The following DCDC1 variants were observed in gnomAD, a reference collection of about 807,000 sequenced individuals.
DCDC1 encodes the protein doublecortin domain containing 1.
In DCDC1, 200 loss-of-function variants were observed where a neutral mutation model predicts 178.3. That is an observed-to-expected ratio of 1.12 (90% CI 1.00 to 1.26). The LOEUF (loss-of-function observed/expected upper bound fraction) is 1.26. DCDC1 is among the 50% of genes most tolerant of loss of function. The probability of loss-of-function intolerance (pLI) is 0.00; values close to 1 mark genes in which losing one functional copy is unlikely to be tolerated. For synonymous variants in DCDC1, 690 were observed against 604.8 expected, an observed-to-expected ratio of 1.14 and a Z score of -2.07; for missense variants, 1,983 against 1,749.2, an observed-to-expected ratio of 1.13 and a Z score of -2.38.
intron 4 of DCDC1, 111 bp downstream of exon 4, chr11:31,307,528 A>T: frequency 1.4e-6 from 2 of 1,403,854 alleles, no homozygotes; most frequent in Middle Eastern, 3.8e-4. Flanking sequence ...AAAACCCGAG[A>T]GATGTGTTAC....
At chr11:31,246,285 G>A (rs1943559401) in intron 8 of DCDC1, among the ~76,000 whole-genome samples, 1 of 151,914 alleles carries the variant, frequency 6.6e-6, no homozygotes, top group South Asian at 2.1e-4. Flanking sequence ...CAGAGTACAT[G>A]AGACTATGAA....
intron 17 of DCDC1, among the ~76,000 whole-genome samples, chr11:31,086,022 T>C (rs1957453758): frequency 6.6e-6 from 1 of 152,120 alleles, no homozygotes; most frequent in Non-Finnish European, 1.5e-5. Context: ...TGTGAGCCAC[T>C]ATGCCTGGCC....
intron 20 of DCDC1, among the ~76,000 whole-genome samples, chr11:31,035,581 C>T (rs288469): frequency 0.49 from 74,661 of 152,150 alleles, 18,599 homozygotes; most frequent in African/African-American, 0.57. Context: ...ATCCCATCGT[C>T]TCAGAAGGCA....
intron 9 of DCDC1, among the ~76,000 whole-genome samples, chr11:31,171,146 G>A (rs1967176753): frequency 1.3e-5 from 2 of 152,136 alleles, no homozygotes; most frequent in South Asian, 4.1e-4. Flanking sequence ...GCATTTTGAT[G>A]TGACAGTTCT....
chr11:31,103,028 C>T (rs555473191), intron 14 of DCDC1, among the ~76,000 whole-genome samples: 4 of 152,148 alleles, frequency 2.6e-5, no homozygotes, highest in Non-Finnish European at 5.9e-5. Flanking sequence ...ATAGGAGTAA[C>T]GTAATTGTTG....
intron 19 of DCDC1, 87 bp downstream of exon 19, chr11:31,064,932 T>C: frequency 4.9e-6 from 3 of 607,132 alleles, no homozygotes; most frequent in Non-Finnish European, 8.7e-6. Context: ...TGTGCTTGCC[T>C]CCTGAAAACA....
chr11:31,261,757 C>T (rs1464315976), intron 8 of DCDC1, among the ~76,000 whole-genome samples: 1 of 152,108 alleles, frequency 6.6e-6, no homozygotes, highest in Non-Finnish European at 1.5e-5. Context: ...GCATGTTGAC[C>T]ATCTGTAGGA....
At chr11:30,936,261 C>T (rs934455525) in intron 21 of DCDC1, among the ~76,000 whole-genome samples, 2 of 152,138 alleles carry the variant, frequency 1.3e-5, no homozygotes, top group African/African-American at 4.8e-5. Context: ...TATGCGAGTC[C>T]ATATAATAAC....
chr11:31,181,551 C>A (rs1968797684), intron 9 of DCDC1, among the ~76,000 whole-genome samples: 1 of 152,210 alleles, frequency 6.6e-6, no homozygotes, highest in Admixed American at 6.5e-5. Flanking sequence ...TCTGCAGACT[C>A]CGCTGGTGAT....
At chr11:31,242,722 T>C (rs907701491) in intron 8 of DCDC1, among the ~76,000 whole-genome samples, 4 of 151,920 alleles carry the variant, frequency 2.6e-5, no homozygotes, top group Non-Finnish European at 4.4e-5. Context: ...AATCTGGAAA[T>C]TGAATTACAA....
At chr11:31,350,664 A>G (rs1182886468) in intron 1 of DCDC1, among the ~76,000 whole-genome samples, 1 of 152,172 alleles carries the variant, frequency 6.6e-6, no homozygotes, top group African/African-American at 2.4e-5. Context: ...CAGAAACAAT[A>G]TGCTCATTGT....
rs1038530224 is a variant in DCDC1 at position 31,326,934 on chromosome 11, T to C, written c.164+1183A>G. Among the ~76,000 whole-genome samples the C allele has an allele frequency of 1.1e-4, 17 of 152,292 alleles. No individual in the cohort carries two copies. In the South Asian group the frequency reaches 2.1e-3, roughly 19 times the overall value. On this transcript the variant is annotated intron_variant, in intron 3 of 38. Coordinates refer to ENST00000684477, the MANE Select transcript of DCDC1 (RefSeq NM_001387274.1). ...TCAATGTATGACAAATATCTTTTAGTTCTTTCACTTTCTAACAGAGAAAAA... is the reference window on the plus strand; with the variant it reads ...TCAATGTATGACAAATATCTTTTAGCTCTTTCACTTTCTAACAGAGAAAAA...
chr11:31,068,786 C>T (rs879762556), intron 18 of DCDC1, among the ~76,000 whole-genome samples: 82 of 151,484 alleles, frequency 5.4e-4, no homozygotes, highest in Middle Eastern at 3.2e-3. Context: ...AAAAAGCATG[C>T]TATTAGTGAA....
At chr11:31,080,007 G>A (rs1376771997) in intron 17 of DCDC1, among the ~76,000 whole-genome samples, 1 of 152,096 alleles carries the variant, frequency 6.6e-6, no homozygotes, top group Non-Finnish European at 1.5e-5. Flanking sequence ...CCTAAGCTAA[G>A]GATCCCATTC....
chr11:31,073,155 T>G (rs553159629), intron 18 of DCDC1, among the ~76,000 whole-genome samples: 63 of 152,320 alleles, frequency 4.1e-4, no homozygotes, highest in African/African-American at 1.5e-3. Flanking sequence ...ATAAATAGTT[T>G]TGCTTTGGGA....
intron 11 of DCDC1, among the ~76,000 whole-genome samples, chr11:31,112,305 C>T (rs939998579): frequency 1.3e-5 from 2 of 152,078 alleles, no homozygotes; most frequent in Non-Finnish European, 2.9e-5. Flanking sequence ...TTACTTATTC[C>T]TCCTTTGCCT....
chr11:31,112,343 A>G (rs1240795213), intron 11 of DCDC1, among the ~76,000 whole-genome samples: 1 of 152,172 alleles, frequency 6.6e-6, no homozygotes, highest in Non-Finnish European at 1.5e-5. Flanking sequence ...CCAATATCCA[A>G]TGTTTAAACA....
At chr11:30,880,009 T>G (rs758185391) in intron 37 of DCDC1, among the ~76,000 whole-genome samples, 3 of 152,158 alleles carry the variant, frequency 2.0e-5, no homozygotes, top group African/African-American at 4.8e-5. Context: ...GTATTGTAAT[T>G]ATTTCACGTG....
Position 31,305,615 on chromosome 11 carries a change from C to G in DCDC1, c.754G>C (p.Asp252His). Residue 252 changes from aspartate to histidine, a missense_variant and splice_region_variant, in exon 6 of 39, where the codon GAC becomes CAC. Transcript: ENST00000684477. ...AGGGTATTTTTTAGATCTTTTTTAC[C>G]TTTAATTTTTTTGAATGGATTTAAA... is the stretch of plus-strand genomic sequence containing the variant. ...PFLNPFKKIK[D>H]HLLLIKKVTW... is the part of the protein sequence containing the mutation. 1 of 1,612,274 alleles carries G rather than the reference C, an allele frequency of 6.2e-7. No individual in the cohort carries two copies. The highest frequency in any genetic ancestry group is 8.5e-7 in the Non-Finnish European group (1 of 1,179,068).
Sources: allele counts gnomAD v4.1 joint callset (sites outside exome capture counted in the v4.1 genomes callset), GRCh38; gene constraint gnomAD v4.1.1; transcripts MANE v1.5; gene names NCBI Gene and HGNC (gene_info 2026-07-23, HGNC 2026-07-21).